Variants in IPCEF1 observed in about 807,000 individuals in gnomAD.
IPCEF1 encodes the protein interactor protein for cytohesin exchange factors 1.
In IPCEF1, 31 loss-of-function variants were observed where a neutral mutation model predicts 50.9. The observed-to-expected ratio is 0.61, with a 90% CI of 0.46 to 0.82. IPCEF1 has a LOEUF of 0.82. Ranked by LOEUF, IPCEF1 falls within the 40% of genes least tolerant of loss-of-function variation. IPCEF1 has a pLI of 0.00. For synonymous variants in IPCEF1, 181 were observed against 192.0 expected (o/e 0.94, Z 0.47); for missense variants, 458 against 514.0 (o/e 0.89, Z 1.05).
intron 2 of IPCEF1, among the ~76,000 whole-genome samples, chr6:154,287,252 T>C (rs927258208): frequency 1.3e-5 from 2 of 152,038 alleles, no homozygotes; most frequent in Non-Finnish European, 2.9e-5. Context: ...GTAAGTTTCC[T>C]GACACCTCTC....
At position 154,159,889 on chromosome 6, in the gene IPCEF1, T is replaced by C; in HGVS notation, c.1256A>G (p.Asp419Gly). The change falls in exon 12 of 12, where the codon GAT (aspartate) becomes GGT (glycine). Residue 419 changes from aspartate (D) to glycine (G), a missense_variant. Asp to Gly is a moderately conservative substitution (Grantham distance 94, BLOSUM62 -1). Coordinates refer to ENST00000367220, the MANE Select transcript of IPCEF1 (RefSeq NM_001130700.2). ...TTTCTTGAGTTCCTGGGGGGTGTCATCAGTGTCATCAGGGGCAGGCGAAGC... is the reference window on the plus strand; with the variant it reads ...TTTCTTGAGTTCCTGGGGGGTGTCACCAGTGTCATCAGGGGCAGGCGAAGC... ...QRASPAPDDT[D>G]DTPQELKKSP... The C allele has an allele frequency of 6.2e-6, 10 of 1,613,588 alleles. No individual in the cohort carries two copies. The highest frequency in any genetic ancestry group is 8.5e-6 in the Non-Finnish European group (10 of 1,179,900).
At chr6:154,244,153 T>C (rs1181402491) in intron 5 of IPCEF1, among the ~76,000 whole-genome samples, 3 of 152,204 alleles carry the variant, frequency 2.0e-5, no homozygotes, top group Non-Finnish European at 4.4e-5. Context: ...AAATAAAGCT[T>C]CTTGGCTTGA....
chr6:154,181,509 T>C (rs1305943226), intron 10 of IPCEF1, among the ~76,000 whole-genome samples: 3 of 152,244 alleles, frequency 2.0e-5, no homozygotes, highest in African/African-American at 4.8e-5. Flanking sequence ...GCTATGAATA[T>C]ATATATTTGA....
intron 9 of IPCEF1, among the ~76,000 whole-genome samples, chr6:154,206,537 T>TTGGG (rs1777510143): frequency 6.6e-6 from 1 of 152,128 alleles, no homozygotes; most frequent in Admixed American, 6.5e-5. Context: ...ACTTTAAGAA[T>TTGGG]TTAATAATTA....
chr6:154,160,019 T>C lies in IPCEF1; in HGVS notation c.1126A>G (p.Met376Val). The change falls in exon 12 of 12, where the codon ATG (methionine) becomes GTG (valine). Residue 376 changes from methionine to valine, a missense_variant. Met to Val is a conservative substitution (Grantham distance 21). Transcript: ENST00000367220. ...TLKCKEHDLA[M>V]INQLLDDPKL... ...GGGTCATCCAGCAACTGGTTAATCA[T>C]GGCCAGATCATGTTCTTTACACTGT... 3 of 1,612,018 alleles carry C rather than the reference T, an allele frequency of 1.9e-6. No homozygotes were observed. The highest frequency in any genetic ancestry group is 2.5e-6 in the Non-Finnish European group (3 of 1,179,852).
Position 154,289,661 on chromosome 6 carries a change from T to C in IPCEF1, c.-18+52A>G, listed in dbSNP as rs1782462135. 1.1e-4 allele frequency: 16 copies of C among 150,266 alleles called. No homozygotes were observed. The Admixed American group carries it at 1.1e-3, about 10-fold the overall frequency. The allele number at this position is 150,266 out of a possible 1,614,324, so 9.3% of individuals were successfully genotyped here. A position where few individuals can be genotyped will look rare whatever the true frequency, so the allele number is the denominator to read the frequency against. ...AGTGAAACTCAAGCTTTTCAAGTCA[T>C]AAATATCACTAAAGAGAAAGAATTC... On this transcript the variant is annotated intron_variant, in intron 2 of 11. Coordinates refer to ENST00000367220, the MANE Select transcript of IPCEF1 (RefSeq NM_001130700.2).
intron 10 of IPCEF1, among the ~76,000 whole-genome samples, chr6:154,180,514 C>T (rs1800779930): frequency 6.6e-6 from 1 of 151,618 alleles, no homozygotes; most frequent in Admixed American, 6.6e-5. Flanking sequence ...CAAGACCCTG[C>T]CAAATGAATG....
At chr6:154,233,678 G>C (rs1035785543) in intron 5 of IPCEF1, among the ~76,000 whole-genome samples, 1 of 152,194 alleles carries the variant, frequency 6.6e-6, no homozygotes, top group African/African-American at 2.4e-5. Context: ...CCAACAGGGG[G>C]AAGAGGGGAG....
At chr6:154,299,262 G>A (rs1429252626) in intron 1 of IPCEF1, among the ~76,000 whole-genome samples, 1 of 140,872 alleles carries the variant, frequency 7.1e-6, no homozygotes, top group African/African-American at 2.5e-5. Flanking sequence ...GAGACCAGGG[G>A]ACAATTGCTG....
At chr6:154,174,497 C>CA (rs921549221) in intron 10 of IPCEF1, among the ~76,000 whole-genome samples, 5 of 148,064 alleles carry the variant, frequency 3.4e-5, no homozygotes, top group South Asian at 2.1e-4. Context: ...AAATGGAAAG[C>CA]AAAAAAAAAG....
chr6:154,333,791 A>G (rs1783730220), intron 1 of IPCEF1, among the ~76,000 whole-genome samples: 1 of 151,792 alleles, frequency 6.6e-6, no homozygotes, highest in Non-Finnish European at 1.5e-5. Context: ...ATATGTGTAT[A>G]TATGTATATA....
intron 1 of IPCEF1, among the ~76,000 whole-genome samples, chr6:154,330,352 TAA>T (rs1440295404): frequency 2.8e-5 from 3 of 106,770 alleles, no homozygotes; most frequent in Admixed American, 2.4e-4. Context: ...TTTTTTTTTT[TAA>T]GACAGGATCT....
At chr6:154,250,089 C>G (rs1213782122) in intron 3 of IPCEF1, among the ~76,000 whole-genome samples, 1 of 152,078 alleles carries the variant, frequency 6.6e-6, no homozygotes, top group African/African-American at 2.4e-5. Context: ...TTTCACCTAA[C>G]ATACATGAAT....
intron 1 of IPCEF1, among the ~76,000 whole-genome samples, chr6:154,292,997 G>T (rs925830951): frequency 2.0e-5 from 3 of 152,140 alleles, no homozygotes; most frequent in African/African-American, 7.2e-5. Context: ...TTTCCTGAAG[G>T]AGTCATCTGT....
At chr6:154,305,575 C>G (rs1400863856) in intron 1 of IPCEF1, among the ~76,000 whole-genome samples, 1 of 152,110 alleles carries the variant, frequency 6.6e-6, no homozygotes, top group Admixed American at 6.5e-5. Flanking sequence ...GAAACTACCC[C>G]CAGTGTGATG....
In IPCEF1 at chr6:154,188,590, A is replaced by G. The variant is rs1218632885; in HGVS notation, c.910+11078T>C. On this transcript the variant is annotated intron_variant, in intron 10 of 11. Transcript: ENST00000367220. The stretch of plus-strand genomic sequence containing the variant: ...GCCAAGAGTATCCTAAACACCCTTA[A>G]AAAAAGAACAAAGTAGGAAAACATG... Among the ~76,000 whole-genome samples, 3 of 152,212 alleles carry G rather than the reference A, an allele frequency of 2.0e-5. No homozygotes were observed. In the East Asian group the frequency reaches 5.8e-4, roughly 29 times the overall value.
chr6:154,291,916 C>T (rs926374468), intron 1 of IPCEF1, among the ~76,000 whole-genome samples: 6 of 152,072 alleles, frequency 3.9e-5, no homozygotes, highest in Non-Finnish European at 8.8e-5. Context: ...ATCTCCTGAC[C>T]TCGTGATCCA....
At chr6:154,178,693 TA>T (rs767864912) in intron 10 of IPCEF1, among the ~76,000 whole-genome samples, 13 of 152,310 alleles carry the variant, frequency 8.5e-5, no homozygotes, top group Admixed American at 2.0e-4. Context: ...AAAAAACCAA[TA>T]TCTTCAATTT....
chr6:154,332,269 G>GT (rs1036556025), intron 1 of IPCEF1, among the ~76,000 whole-genome samples: 2 of 140,060 alleles, frequency 1.4e-5, no homozygotes, highest in African/African-American at 2.6e-5. Context: ...GTTGATAACT[G>GT]TTTTTTTGTG....
Sources: gnomAD v4.1 joint callset for allele counts (sites outside exome capture counted in the v4.1 genomes callset) on GRCh38, gnomAD v4.1.1 for gene constraint, MANE v1.5 for transcripts, NCBI Gene and HGNC (gene_info 2026-07-23, HGNC 2026-07-21) for gene names.